EPHX2: variants seen among roughly 807,000 people sequenced by gnomAD.
The protein encoded by EPHX2 is bifunctional epoxide hydrolase 2.
In EPHX2, 74 loss-of-function variants were observed where a neutral mutation model predicts 78.7. The ratio of observed to expected loss-of-function variants is 0.94; its 90% CI spans 0.78 to 1.14. EPHX2 has a LOEUF of 1.14. Among genes scored for constraint, EPHX2 ranks in the 50% most tolerant of loss-of-function variants. The probability of loss-of-function intolerance (pLI) is 0.00; values close to 1 mark genes in which losing one functional copy is unlikely to be tolerated. For missense variants in EPHX2, 715 were observed against 702.5 expected (o/e 1.02, Z -0.20); for synonymous variants, 251 against 255.2 (o/e 0.98, Z 0.16).
chr8:27,501,082 G>A, intron 2 of EPHX2, 72 bp downstream of exon 2: 1 of 1,373,292 alleles, frequency 7.3e-7, no homozygotes, highest in South Asian at 1.2e-5. Flanking sequence ...CCCCGAACTT[G>A]GGGCCCACCA....
intron 12 of EPHX2, among the ~76,000 whole-genome samples, chr8:27,534,588 G>C (rs1815151448): frequency 6.6e-6 from 1 of 152,142 alleles, no homozygotes; most frequent in Non-Finnish European, 1.5e-5. Context: ...TCTTGGCAGT[G>C]AGCTGAGATT....
At chr8:27,528,655 C>T (rs926489861) in intron 12 of EPHX2, among the ~76,000 whole-genome samples, 3 of 152,184 alleles carry the variant, frequency 2.0e-5, no homozygotes, top group Non-Finnish European at 4.4e-5. Context: ...CACCTCCTAA[C>T]CCGCTCCCTC....
rs202141435 is a variant in EPHX2, at chr8:27,516,403, G to A, written c.910+5G>A. On this transcript the variant is annotated splice_donor_5th_base_variant and intron_variant, in intron 8 of 18. Transcript: ENST00000521400. ...GAGAGTCATCTGCTCCTCCCGGTGG[G>A]TGTGCTGTCTTGCAGCTGTCTTATG... 950 of 1,613,664 alleles carry A rather than the reference G, an allele frequency of 5.9e-4. 2 individuals carry two copies. Among genetic ancestry groups the A allele is most frequent in the Non-Finnish European group, 7.2e-4 (844 of 1,179,772 alleles).
Position 27,505,136 on chromosome 8 carries a change from G to A in EPHX2, c.527G>A (p.Ser176Asn). The A allele has an allele frequency of 6.2e-7, 1 of 1,613,984 alleles. No individual in the cohort carries two copies. Among genetic ancestry groups the A allele is most frequent in the Non-Finnish European group, 8.5e-7 (1 of 1,179,954 alleles). Residue 176 changes from serine to asparagine, a missense_variant, in exon 4 of 19, where the codon AGC becomes AAC. Transcript: ENST00000521400. ...YKFLLDTLKA[S>N]PSEVVFLDDI... ...TTTCTGCTGGACACCCTGAAGGCCA[G>A]CCCCAGTGAGGTACGGAGACACTTC...
intron 11 of EPHX2, among the ~76,000 whole-genome samples, chr8:27,524,768 T>C (rs1032593764): frequency 5.3e-5 from 8 of 152,180 alleles, no homozygotes; most frequent in East Asian, 1.9e-4. Flanking sequence ...GAATTCCTTA[T>C]CTCCTTCCAA....
At chr8:27,532,156 G>A (rs1224941104) in intron 12 of EPHX2, among the ~76,000 whole-genome samples, 1 of 152,040 alleles carries the variant, frequency 6.6e-6, no homozygotes, top group African/African-American at 2.4e-5. Context: ...GGTGGTGCCT[G>A]GGCCCCCTGA....
At chr8:27,524,990 A>G (rs1454388761) in intron 11 of EPHX2, among the ~76,000 whole-genome samples, 1 of 152,108 alleles carries the variant, frequency 6.6e-6, no homozygotes, top group Non-Finnish European at 1.5e-5. Context: ...AGGGAGGGAA[A>G]AAAAATGAAT....
Position 27,500,957 on chromosome 8 carries a change from G to A in EPHX2, c.133G>A (p.Gly45Arg), listed in dbSNP as rs888952470. Residue 45 changes from glycine to arginine, a missense_variant, in exon 2 of 19, where the codon GGA (glycine) becomes AGA (arginine). Physicochemically the swap from Gly to Arg is moderately radical, Grantham distance 125 (BLOSUM62 -2). Coordinates refer to ENST00000521400, the MANE Select transcript of EPHX2 (RefSeq NM_001979.6). The part of the protein sequence containing the change: ...GLLNDAFQKG[G>R]PEGATTRLMK... ...TCTGAATGATGCTTTCCAGAAAGGG[G>A]GACCAGAGGGTGCCACTACCCGGCT... 1.9e-6 allele frequency: 3 copies of A among 1,613,240 alleles called. No homozygotes were observed. Among genetic ancestry groups the A allele is most frequent in the African/African-American group, 2.7e-5 (2 of 74,846 alleles).
chr8:27,524,782 C>G (rs991157620), intron 11 of EPHX2, among the ~76,000 whole-genome samples: 3 of 152,146 alleles, frequency 2.0e-5, no homozygotes, highest in Non-Finnish European at 2.9e-5. Context: ...CTTCCAACTC[C>G]TATGCTATTT....
rs1815516274 is a variant in EPHX2, at chr8:27,544,390, G to A, written c.1590-54G>A. 6 of 1,607,740 alleles carry A rather than the reference G, an allele frequency of 3.7e-6. No homozygotes were observed. In the South Asian group the frequency reaches 4.4e-5, roughly 12 times the overall value. ...CTCTGCCTTCGAGTTGGCTGGGTAG[G>A]TGCAGACAAGTGTGAATGGCTATTT... On this transcript the variant is annotated intron_variant, in intron 18 of 18. Transcript: ENST00000521400.
chr8:27,516,237 A>G, intron 7 of EPHX2, 83 bp from the exon 8 acceptor site: 1 of 1,326,602 alleles, frequency 7.5e-7, no homozygotes, highest in Non-Finnish European at 1.1e-6. Flanking sequence ...ATTTACAGGA[A>G]GAAGGGGATG....
chr8:27,509,966 G>A (rs1468045288), intron 5 of EPHX2, among the ~76,000 whole-genome samples: 2 of 152,150 alleles, frequency 1.3e-5, no homozygotes, highest in Non-Finnish European at 2.9e-5. Flanking sequence ...GACCCTAAGG[G>A]GCACCGGCCC....
intron 1 of EPHX2, among the ~76,000 whole-genome samples, chr8:27,499,968 A>G (rs1209280443): frequency 6.6e-6 from 1 of 152,180 alleles, no homozygotes; most frequent in Non-Finnish European, 1.5e-5. Context: ...ATTACCTCTT[A>G]AAGACCCACT....
intron 6 of EPHX2, among the ~76,000 whole-genome samples, chr8:27,513,078 C>T (rs1341846450): frequency 1.3e-5 from 2 of 152,152 alleles, no homozygotes; most frequent in Non-Finnish European, 2.9e-5. Flanking sequence ...AGGGATTTTA[C>T]ACTCACAACC....
intron 6 of EPHX2, 48 bp from the exon 7 acceptor site, chr8:27,515,670 A>C (rs1345222627): frequency 2.6e-6 from 4 of 1,538,420 alleles, no homozygotes; most frequent in Admixed American, 3.4e-5. Context: ...GCCTGGGTCC[A>C]CTGGGCCTGG....
At chr8:27,496,222 A>G (rs1020868332) in intron 1 of EPHX2, among the ~76,000 whole-genome samples, 3 of 152,218 alleles carry the variant, frequency 2.0e-5, no homozygotes, top group African/African-American at 4.8e-5. Context: ...AAAGTTCAAG[A>G]GAGCTAGAGT....
intron 12 of EPHX2, among the ~76,000 whole-genome samples, chr8:27,526,555 G>C (rs1814852894): frequency 6.6e-6 from 1 of 152,136 alleles, no homozygotes; most frequent in South Asian, 2.1e-4. Context: ...GTATTACTTT[G>C]CTGGGGCTGC....
intron 5 of EPHX2, among the ~76,000 whole-genome samples, chr8:27,509,119 CAATATTTGTCTTTTTGT>C (rs1314887941): frequency 6.6e-6 from 1 of 152,068 alleles, no homozygotes; most frequent in East Asian, 1.9e-4. Context: ...AGTGGAATCA[CAATATTTGTCTTTTTGT>C]AACTGGCTTA....
chr8:27,522,006 T>A (rs1410379533), intron 10 of EPHX2, among the ~76,000 whole-genome samples: 1 of 152,164 alleles, frequency 6.6e-6, no homozygotes, highest in Non-Finnish European at 1.5e-5. Context: ...TTTGGGACTT[T>A]TAATGGTTGT....
Sources: allele counts gnomAD v4.1 joint callset (sites outside exome capture counted in the v4.1 genomes callset), GRCh38; gene constraint gnomAD v4.1.1; transcripts MANE v1.5; gene names NCBI Gene and HGNC (gene_info 2026-07-23, HGNC 2026-07-21).